NAMPT: variants seen among roughly 807,000 people sequenced by gnomAD.
The protein encoded by NAMPT is nicotinamide phosphoribosyltransferase, also known as NAmPRTase.
Under a neutral mutation model 58.7 loss-of-function variants are expected in NAMPT, and 7 were observed. That is an observed-to-expected ratio of 0.12 (90% CI 0.07 to 0.22). The LOEUF is 0.22. NAMPT is among the 10% of genes least tolerant of loss of function. The pLI is 1.00. For synonymous variants in NAMPT, 145 were observed against 198.1 expected, an observed-to-expected ratio of 0.73 and a Z score of 2.25; for missense variants, 271 against 567.9, an observed-to-expected ratio of 0.48 and a Z score of 5.31.
At chr7:106,266,022 C>T (rs1181929632) in intron 6 of NAMPT, among the ~76,000 whole-genome samples, 3 of 152,110 alleles carry the variant, frequency 2.0e-5, no homozygotes, top group African/African-American at 7.2e-5. Flanking sequence ...AGATGTAAAA[C>T]TTTAGCTCCT....
chr7:106,266,801 T>C (rs1792421367), intron 6 of NAMPT, among the ~76,000 whole-genome samples: 1 of 152,196 alleles, frequency 6.6e-6, no homozygotes, highest in South Asian at 2.1e-4. Context: ...CCCTAAGATA[T>C]TTATCTCATA....
intron 1 of NAMPT, among the ~76,000 whole-genome samples, chr7:106,282,815 A>G (rs1792791543): frequency 6.6e-6 from 1 of 152,246 alleles, no homozygotes; most frequent in African/African-American, 2.4e-5. Context: ...ATCTGAAACT[A>G]CTAGAGTTCC....
intron 6 of NAMPT, among the ~76,000 whole-genome samples, chr7:106,264,011 G>C (rs1792363074): frequency 6.6e-6 from 1 of 151,980 alleles, no homozygotes; most frequent in Admixed American, 6.6e-5. Context: ...CCATTATTTT[G>C]TTAGGCAATG....
At chr7:106,270,437 C>A (rs1173688305) in intron 4 of NAMPT, 2 of 212,696 alleles carry the variant, frequency 9.4e-6, no homozygotes, top group South Asian at 5.4e-5. Flanking sequence ...CTTGAACTTG[C>A]CAATCTAGTC....
At position 106,277,017 on chromosome 7, in the gene NAMPT, T is replaced by C. The variant is rs946007184; in HGVS notation, c.214+6A>G. The stretch of plus-strand genomic sequence containing the variant: ...AGTGTTTAAAATATACTAGGAAAAG[T>C]AATACCTTTTAAGTACTTATTAAGA... On this transcript the variant is annotated splice_donor_region_variant and intron_variant, in intron 2 of 10. Coordinates refer to ENST00000222553, the MANE Select transcript of NAMPT (RefSeq NM_005746.3). 1 of 1,563,584 alleles carries C rather than the reference T, an allele frequency of 6.4e-7. No homozygotes were observed. The highest frequency in any genetic ancestry group is 8.8e-7 in the Non-Finnish European group (1 of 1,134,364).
rs1299355248 is a variant in NAMPT, at chr7:106,248,637, ACCT to A, written c.*2443_*2445del. 2.0e-5 allele frequency: 3 copies of A among 152,186 alleles called. No individual in the cohort carries two copies. Among genetic ancestry groups the A allele is most frequent in the East Asian group, 3.9e-4 (2 of 5,186 alleles). The allele number at this position is 152,186 out of a possible 1,614,324, so 9.4% of individuals were successfully genotyped here. On this transcript the variant is annotated 3_prime_UTR_variant, in exon 11 of 11. Transcript: ENST00000222553. Reference sequence around the variant, plus strand: ...ATAAGAGTCTTAACACAGAAATCCTACCTCCTATTTAAGATATAAATACTTGAT... The same window carrying A: ...ATAAGAGTCTTAACACAGAAATCCTACCTATTTAAGATATAAATACTTGAT...
chr7:106,277,319 C>A, intron 1 of NAMPT, 140 bp from the exon 2 acceptor site: 1 of 688,562 alleles, frequency 1.5e-6, no homozygotes, highest in Non-Finnish European at 2.4e-6. Context: ...CCTGGCTATA[C>A]CAAATAAAAA....
intron 1 of NAMPT, among the ~76,000 whole-genome samples, chr7:106,279,656 C>CAAAT (rs1792721969): frequency 6.6e-6 from 1 of 152,094 alleles, no homozygotes; most frequent in African/African-American, 2.4e-5. Context: ...ACTTCATTCA[C>CAAAT]AAATACATAC....
In NAMPT at chr7:106,258,476, G is replaced by T. The variant is rs534021803; in HGVS notation, c.1089+3112C>A. Among the ~76,000 whole-genome samples, 6 of 152,302 alleles carry T rather than the reference G, an allele frequency of 3.9e-5. No individual in the cohort carries two copies. In the East Asian group the frequency reaches 1.2e-3, roughly 29 times the overall value. On this transcript the variant is annotated intron_variant, in intron 8 of 10. Coordinates refer to ENST00000222553, the MANE Select transcript of NAMPT (RefSeq NM_005746.3). The stretch of plus-strand genomic sequence containing the variant: ...AATGCAAATGGCCTACATTATGTTA[G>T]TGATATTCTACAGAGTATTTTAGGT...
intron 10 of NAMPT, among the ~76,000 whole-genome samples, 174 bp downstream of exon 10, chr7:106,252,843 G>A (rs564097163): frequency 6.6e-6 from 1 of 152,004 alleles, no homozygotes; most frequent in Non-Finnish European, 1.5e-5. Context: ...TGTTTATGAC[G>A]TAGACACTTG....
chr7:106,261,749 G>A (rs1223774224), intron 7 of NAMPT, 42 bp from the exon 8 acceptor site: 1 of 1,570,602 alleles, frequency 6.4e-7, no homozygotes, highest in Non-Finnish European at 8.7e-7. Flanking sequence ...AACTAAAGCT[G>A]AAAACAAGTA....
intron 8 of NAMPT, among the ~76,000 whole-genome samples, chr7:106,259,463 T>A (rs1366645915): frequency 6.6e-6 from 1 of 152,214 alleles, no homozygotes; most frequent in East Asian, 1.9e-4. Flanking sequence ...AGTTTCACTC[T>A]GTTGCCCAGG....
chr7:106,262,907 TAAC>T (rs1404146469), intron 7 of NAMPT, among the ~76,000 whole-genome samples: 3 of 152,064 alleles, frequency 2.0e-5, no homozygotes, highest in Admixed American at 6.5e-5. Context: ...CCTTGAACAT[TAAC>T]AACAAAAAGT....
chr7:106,274,700 C>G (rs1483698812), intron 3 of NAMPT, among the ~76,000 whole-genome samples: 7 of 152,024 alleles, frequency 4.6e-5, no homozygotes, highest in African/African-American at 1.4e-4. Context: ...ACTAAAAATA[C>G]AAAAATTAGC....
At chr7:106,272,682 T>A in intron 3 of NAMPT, 24 bp from the exon 4 acceptor site, 1 of 1,610,852 alleles carries the variant, frequency 6.2e-7, no homozygotes, top group Non-Finnish European at 8.5e-7. Flanking sequence ...ATGATAAATT[T>A]ATTTATTCAA....
chr7:106,265,777 CATAA>C (rs1792398104), intron 6 of NAMPT, among the ~76,000 whole-genome samples: 1 of 152,052 alleles, frequency 6.6e-6, no homozygotes, highest in Non-Finnish European at 1.5e-5. Context: ...ATATGAAGAT[CATAA>C]ATAATCAATG....
At chr7:106,269,807 G>C (rs1792497751) in intron 4 of NAMPT, among the ~76,000 whole-genome samples, 1 of 152,172 alleles carries the variant, frequency 6.6e-6, no homozygotes, top group Non-Finnish European at 1.5e-5. Context: ...ATTTTGACTA[G>C]TATTGGTTTA....
At chr7:106,281,452 A>G (rs934000157) in intron 1 of NAMPT, among the ~76,000 whole-genome samples, 1 of 152,202 alleles carries the variant, frequency 6.6e-6, no homozygotes, top group African/African-American at 2.4e-5. Flanking sequence ...ACAAGTCAAC[A>G]TTTAAAAAAT....
intron 3 of NAMPT, among the ~76,000 whole-genome samples, chr7:106,273,277 T>C (rs1355749586): frequency 6.6e-6 from 1 of 152,202 alleles, no homozygotes; most frequent in African/African-American, 2.4e-5. Flanking sequence ...AATGTAATAA[T>C]TGCCTCCAAA....
Sources: gnomAD v4.1 joint callset for allele counts (sites outside exome capture counted in the v4.1 genomes callset) on GRCh38, gnomAD v4.1.1 for gene constraint, MANE v1.5 for transcripts, NCBI Gene and HGNC (gene_info 2026-07-23, HGNC 2026-07-21) for gene names.